The following TRPC5 variants were observed in gnomAD, a reference collection of about 807,000 sequenced individuals.
TRPC5 encodes the protein transient receptor potential cation channel subfamily C member 5.
In TRPC5, 9 loss-of-function variants were observed where a neutral mutation model predicts 56.5. That is an observed-to-expected ratio of 0.16 (90% CI 0.10 to 0.28). The LOEUF (loss-of-function observed/expected upper bound fraction) is 0.28. Among genes scored for constraint, TRPC5 ranks in the 10% least tolerant of loss-of-function variants. The pLI is 1.00. For missense variants in TRPC5, 469 were observed against 748.9 expected, an observed-to-expected ratio of 0.63 and a Z score of 4.36; for synonymous variants, 282 against 278.5, an observed-to-expected ratio of 1.01 and a Z score of -0.13.
intron 3 of TRPC5, among the ~76,000 whole-genome samples, chrX:111,908,396 G>A (rs1230225128): frequency 9.0e-6 from 1 of 111,729 alleles, no homozygotes; most frequent in Non-Finnish European, 1.9e-5. Context: ...CCATTGCTAA[G>A]ATAATTTATC....
At chrX:111,818,030 G>A (rs1921915754) in intron 7 of TRPC5, among the ~76,000 whole-genome samples, 1 of 111,130 alleles carries the variant, frequency 9.0e-6, no homozygotes, top group African/African-American at 3.3e-5. Flanking sequence ...CTGAGCTTTG[G>A]TATGGGCACA....
At chrX:112,038,540 A>G (rs757343852) in intron 1 of TRPC5, among the ~76,000 whole-genome samples, 1 of 112,387 alleles carries the variant, frequency 8.9e-6, no homozygotes, top group South Asian at 3.7e-4. Flanking sequence ...CTTTGTTTTA[A>G]CATCCACTGA....
chrX:111,913,939 A>G (rs755930081), intron 2 of TRPC5, among the ~76,000 whole-genome samples: 47 of 93,959 alleles, frequency 5.0e-4, no homozygotes, highest in Non-Finnish European at 7.2e-4. Context: ...CAGCCTGGGC[A>G]ACAGAGCAAG....
intron 7 of TRPC5, among the ~76,000 whole-genome samples, chrX:111,833,868 T>C (rs1922487180): frequency 9.0e-6 from 1 of 111,498 alleles, no homozygotes; most frequent in Non-Finnish European, 1.9e-5. Flanking sequence ...ATCTGAGAAA[T>C]AGCATCTAGA....
chrX:112,065,595 A>C (rs1930564682), intron 1 of TRPC5, among the ~76,000 whole-genome samples: 1 of 112,290 alleles, frequency 8.9e-6, no homozygotes, highest in Non-Finnish European at 1.9e-5. Context: ...TCCTACTTAA[A>C]AGTTTGCTGA....
Position 111,808,143 on chromosome X carries a change from T to C in TRPC5, c.1897-26005A>G, listed in dbSNP as rs753236770. The stretch of plus-strand genomic sequence containing the variant: ...GACCACTGCCTGGCTACCATCTATG[T>C]TTGCTCAAGGCCCTAGGGCTCTACA... On this transcript the variant is annotated intron_variant, in intron 7 of 10. Coordinates refer to ENST00000262839, the MANE Select transcript of TRPC5 (RefSeq NM_012471.3). Among the ~76,000 whole-genome samples, 5 of 109,712 alleles carry C rather than the reference T, an allele frequency of 4.6e-5. No individual in the cohort carries two copies. The South Asian group carries it at 2.1e-3, about 45-fold the overall frequency.
At chrX:111,912,098 T>C (rs759668213) in intron 3 of TRPC5, among the ~76,000 whole-genome samples, 193 bp downstream of exon 3, 16 of 112,067 alleles carry the variant, frequency 1.4e-4, no homozygotes, top group African/African-American at 4.9e-4. Context: ...AAGAATCAGA[T>C]GGTTACTTAT....
intron 3 of TRPC5, among the ~76,000 whole-genome samples, chrX:111,905,485 A>G (rs1290705140): frequency 8.9e-6 from 1 of 112,302 alleles, no homozygotes; most frequent in East Asian, 2.8e-4. Context: ...CCAATATCAC[A>G]TCTCTTCAGG....
intron 1 of TRPC5, among the ~76,000 whole-genome samples, chrX:112,017,491 T>C (rs775525655): frequency 9.1e-6 from 1 of 110,310 alleles, no homozygotes; most frequent in Admixed American, 9.8e-5. Flanking sequence ...CCTACTATTT[T>C]ACGGGATATG....
At chrX:111,981,173 C>A (rs1253977202) in intron 1 of TRPC5, among the ~76,000 whole-genome samples, 1 of 109,530 alleles carries the variant, frequency 9.1e-6, no homozygotes, top group Non-Finnish European at 1.9e-5. Flanking sequence ...ATTCCAAAAG[C>A]CTGAGAACCA....
At chrX:111,878,014 A>G (rs1924036593) in intron 3 of TRPC5, among the ~76,000 whole-genome samples, 1 of 111,466 alleles carries the variant, frequency 9.0e-6, no homozygotes, top group South Asian at 3.8e-4. Flanking sequence ...CAAGATACTG[A>G]TAGAGAGTGG....
At chrX:111,878,249 A>G (rs1924049739) in intron 3 of TRPC5, among the ~76,000 whole-genome samples, 1 of 111,219 alleles carries the variant, frequency 9.0e-6, no homozygotes, top group African/African-American at 3.3e-5. Flanking sequence ...AATTAAAAAT[A>G]AAATAAAATT....
intron 2 of TRPC5, among the ~76,000 whole-genome samples, chrX:111,923,597 A>C (rs1248863054): frequency 1.8e-5 from 2 of 110,281 alleles, no homozygotes; most frequent in African/African-American, 6.8e-5. Context: ...CCTGGGATGG[A>C]TATTAGAAAC....
At chrX:111,922,749 AGACTGAAATG>A (rs1293333723) in intron 2 of TRPC5, among the ~76,000 whole-genome samples, 1 of 112,140 alleles carries the variant, frequency 8.9e-6, no homozygotes, top group African/African-American at 3.2e-5. Flanking sequence ...TTAGATTGGA[AGACTGAAATG>A]GACAACATTT....
At position 111,952,235 on chromosome X, in the gene TRPC5, G is replaced by A. The variant is rs762529573; in HGVS notation, c.186C>T (p.Asn62=). The change falls in exon 2 of 11, where the codon AAC becomes AAT. Residue 62 remains asparagine, a synonymous_variant. Coordinates refer to ENST00000262839, the MANE Select transcript of TRPC5 (RefSeq NM_012471.3). The part of the protein sequence containing the change: ...LQEAEIYYNV[N]INCMDPLGRS... The stretch of plus-strand genomic sequence containing the variant: ...GGCCCAAGGGGTCCATGCAGTTGAT[G>A]TTAACATTATAGTAGATCTCAGCCT... 2.7e-5 allele frequency: 33 copies of A among 1,210,437 alleles called. No individual in the cohort carries two copies. The Middle Eastern group carries it at 3.7e-3, about 134-fold the overall frequency.
chrX:111,863,947 A>G (rs1208499820), intron 3 of TRPC5, among the ~76,000 whole-genome samples: 2 of 111,566 alleles, frequency 1.8e-5, no homozygotes, highest in African/African-American at 6.5e-5. Context: ...TCACCCTCAT[A>G]TTCCTGGGAT....
intron 2 of TRPC5, among the ~76,000 whole-genome samples, chrX:111,942,860 C>T (rs1019052): frequency 0.1 from 11,286 of 111,584 alleles, 540 homozygotes; most frequent in African/African-American, 0.19. Context: ...GAAACTGATG[C>T]TTAAACAAGG....
At position 111,774,126 on chromosome X, in the gene TRPC5, CATATT is replaced by C. The variant is rs986828630; in HGVS notation, c.*2182_*2186del. ...TTTCAATAGTAGAGATTGATTTACA[CATATT>C]ATCTCTTTAGAACGTAAGTGACAGA... On this transcript the variant is annotated 3_prime_UTR_variant, in exon 11 of 11. Coordinates refer to ENST00000262839, the MANE Select transcript of TRPC5 (RefSeq NM_012471.3). 1.8e-5 allele frequency among the ~76,000 whole-genome samples: 2 copies of C among 111,868 alleles called. No homozygotes were observed. The highest frequency in any genetic ancestry group is 6.5e-5 in the African/African-American group (2 of 30,769).
intron 6 of TRPC5, among the ~76,000 whole-genome samples, chrX:111,842,787 G>A (rs1467854753): frequency 9.1e-6 from 1 of 109,848 alleles, no homozygotes; most frequent in Non-Finnish European, 1.9e-5. Flanking sequence ...GATGAGAGAG[G>A]TAGGAGAAAG....
Sources: gnomAD v4.1 joint callset for allele counts (sites outside exome capture counted in the v4.1 genomes callset) on GRCh38, gnomAD v4.1.1 for gene constraint, MANE v1.5 for transcripts, NCBI Gene and HGNC (gene_info 2026-07-23, HGNC 2026-07-21) for gene names.